The following CFHR5 variants were observed in gnomAD, a reference collection of about 807,000 sequenced individuals.
The protein encoded by CFHR5 is complement factor H-related protein 5.
A neutral mutation model predicts 62.9 loss-of-function variants in CFHR5; 73 were observed. The observed-to-expected ratio is 1.16, with a 90% confidence interval of 0.96 to 1.41. The LOEUF (loss-of-function observed/expected upper bound fraction) is 1.41, where lower values mean the gene tolerates loss of function less well. CFHR5 is among the 40% of genes most tolerant of loss of function. The pLI is 0.00. For missense variants in CFHR5, 779 were observed against 679.9 expected (o/e 1.15, Z -1.62); for synonymous variants, 249 against 227.2 (o/e 1.10, Z -0.86).
intron 9 of CFHR5, among the ~76,000 whole-genome samples, chr1:197,006,920 T>G (rs1049859356): frequency 1.7e-4 from 25 of 150,978 alleles, no homozygotes; most frequent in African/African-American, 6.1e-4. Flanking sequence ...CATTGCAACC[T>G]CCGCCTCCTG....
At position 196,983,090 on chromosome 1, in the gene CFHR5, G is replaced by A. The variant is rs760047371; in HGVS notation, c.253+11G>A. ...CACCGAAGTGTCTCAGTGAGTAAAT[G>A]CCCTGTTCATTAAATGGATGTCATT... is the stretch of plus-strand genomic sequence containing the variant. On this transcript the variant is annotated intron_variant, in intron 2 of 9. Transcript: ENST00000256785. 6.2e-7 allele frequency: 1 copy of A among 1,613,768 alleles called. No homozygotes were observed. The highest frequency in any genetic ancestry group is 2.2e-5 in the East Asian group (1 of 44,846).
chr1:196,998,047 T>A, intron 6 of CFHR5, 81 bp from the exon 7 acceptor site: 1 of 891,682 alleles, frequency 1.1e-6, no homozygotes, highest in Non-Finnish European at 1.8e-6. Context: ...CTTAAAAGCA[T>A]CAAACATAAT....
Position 197,009,226 on chromosome 1 carries a change from C to T in CFHR5, c.*543C>T, listed in dbSNP as rs1164846795. ...AATCCATTCAAGAAGATAGAGCTCT[C>T]GTGACTTAATCACCTTCTAAAGATC... On this transcript the variant is annotated 3_prime_UTR_variant, in exon 10 of 10. Coordinates refer to ENST00000256785, the MANE Select transcript of CFHR5 (RefSeq NM_030787.4). The T allele has an allele frequency of 2.0e-5, 3 of 152,694 alleles. No individual in the cohort carries two copies. The highest frequency in any genetic ancestry group is 4.8e-5 in the African/African-American group (2 of 41,436). 9.5% of individuals were successfully genotyped at this position (152,694 alleles called of 1,614,324 possible). A position where few individuals can be genotyped will look rare whatever the true frequency, so the allele number is the denominator to read the frequency against.
chr1:196,997,993 G>T, intron 6 of CFHR5, 135 bp from the exon 7 acceptor site: 1 of 575,366 alleles, frequency 1.7e-6, no homozygotes, highest in South Asian at 3.2e-5. Flanking sequence ...CAACAGCATT[G>T]TCTATTTTGT....
upstream of CFHR5, among the ~76,000 whole-genome samples, chr1:196,976,148 G>A (rs1258744093): frequency 1.3e-5 from 2 of 152,200 alleles, no homozygotes; most frequent in Non-Finnish European, 2.9e-5. Flanking sequence ...AGAATCAATA[G>A]TGGAGACTAC....
rs745639180 is a variant in CFHR5, at chr1:197,008,671, T to C, written c.1698T>C (p.Pro566=). 6.2e-7 allele frequency: 1 copy of C among 1,611,998 alleles called. No homozygotes were observed. The highest frequency in any genetic ancestry group is 8.5e-7 in the Non-Finnish European group (1 of 1,178,178). Residue 566 remains proline (P), a synonymous_variant, in exon 10 of 10, where the codon CCT becomes CCC. Coordinates refer to ENST00000256785, the MANE Select transcript of CFHR5 (RefSeq NM_030787.4). ...AICQEGKFEY[P]ICE ...GTCAGGAAGGGAAATTTGAATATCC[T>C]ATATGTGAATGAAGCAAGCATAATT... is the stretch of plus-strand genomic sequence containing the variant.
At chr1:196,975,958 G>A (rs756125843), upstream of CFHR5, among the ~76,000 whole-genome samples, 26 of 152,088 alleles carry the variant, frequency 1.7e-4, no homozygotes, top group Non-Finnish European at 3.4e-4. Flanking sequence ...AGATGTGGTG[G>A]GAAGAGAGAA....
At chr1:196,998,695 T>C (rs1024259831) in intron 7 of CFHR5, among the ~76,000 whole-genome samples, 1 of 151,990 alleles carries the variant, frequency 6.6e-6, no homozygotes, top group African/African-American at 2.4e-5. Context: ...GAGTAAAAAG[T>C]AGGCTGAGAA....
rs1308199350 is a variant in CFHR5, at chr1:197,004,861, T to C, written c.1513+18T>C. The C allele has an allele frequency of 6.4e-7, 1 of 1,569,476 alleles. No homozygotes were observed. ...ATGCCTAGGTGAGTTCTTAATATTC[T>C]CTTGGAATCTGAGATTTAATATTTA... On this transcript the variant is annotated intron_variant, in intron 9 of 9. Coordinates refer to ENST00000256785, the MANE Select transcript of CFHR5 (RefSeq NM_030787.4).
chr1:196,983,082 G>A lies in CFHR5; in HGVS notation c.253+3G>A, dbSNP rs1193600901. On this transcript the variant is annotated splice_donor_region_variant and intron_variant, in intron 2 of 9. Coordinates refer to ENST00000256785, the MANE Select transcript of CFHR5 (RefSeq NM_030787.4). ...GTCACCAACACCGAAGTGTCTCAGT[G>A]AGTAAATGCCCTGTTCATTAAATGG... 1 of 1,613,764 alleles carries A rather than the reference G, an allele frequency of 6.2e-7. No homozygotes were observed. Among genetic ancestry groups the A allele is most frequent in the African/African-American group, 1.3e-5 (1 of 74,908 alleles).
At chr1:197,000,872 T>TC (rs145140361) in intron 7 of CFHR5, among the ~76,000 whole-genome samples, 1,876 of 152,266 alleles carry the variant, frequency 0.012, 53 homozygotes, top group African/African-American at 0.04. Context: ...TAATAAGACA[T>TC]TAAGTAGAAG....
At chr1:197,000,595 T>C (rs1447958930) in intron 7 of CFHR5, among the ~76,000 whole-genome samples, 2 of 152,194 alleles carry the variant, frequency 1.3e-5, no homozygotes, top group Non-Finnish European at 2.9e-5. Flanking sequence ...CTCATTATTA[T>C]TTGTACATTT....
upstream of CFHR5, among the ~76,000 whole-genome samples, chr1:196,976,698 C>T (rs956744115): frequency 1.3e-5 from 2 of 151,938 alleles, no homozygotes; most frequent in African/African-American, 4.8e-5. Context: ...ATACCAAGAC[C>T]CTCACATAGC....
intron 4 of CFHR5, 148 bp downstream of exon 4, chr1:196,994,404 C>A: frequency 2.9e-6 from 2 of 680,190 alleles, no homozygotes; most frequent in Non-Finnish European, 5.1e-6. Context: ...AGTAATTGAG[C>A]TGCATAGATT....
intron 7 of CFHR5, among the ~76,000 whole-genome samples, chr1:197,001,337 A>G (rs1654147476): frequency 6.6e-6 from 1 of 152,110 alleles, no homozygotes; most frequent in African/African-American, 2.4e-5. Context: ...ATTTTAGACA[A>G]TATGTATGTT....
intron 3 of CFHR5, 58 bp downstream of exon 3, chr1:196,984,195 T>C (rs1425364518): frequency 1.5e-6 from 2 of 1,367,732 alleles, no homozygotes; most frequent in African/African-American, 1.5e-5. Flanking sequence ...AAATCTATAG[T>C]TTATAGATTA....
intron 6 of CFHR5, among the ~76,000 whole-genome samples, chr1:196,997,291 A>G (rs907095595): frequency 1.8e-4 from 28 of 152,186 alleles, no homozygotes; most frequent in African/African-American, 6.5e-4. Flanking sequence ...GAACGCTGTT[A>G]TGGGAAGATG....
At chr1:196,998,443 A>T (rs1182870281) in intron 7 of CFHR5, 139 bp downstream of exon 7, 2 of 728,172 alleles carry the variant, frequency 2.7e-6, no homozygotes, top group East Asian at 2.7e-5. Context: ...AACTAGTTAT[A>T]ATACTCTTTC....
intron 9 of CFHR5, 88 bp downstream of exon 9, chr1:197,004,931 A>G: frequency 9.8e-7 from 1 of 1,017,572 alleles, no homozygotes; most frequent in Non-Finnish European, 1.5e-6. Flanking sequence ...ACCCTTACTT[A>G]AGTTTCATTC....
Sources: gnomAD v4.1 joint callset for allele counts (sites outside exome capture counted in the v4.1 genomes callset) on GRCh38, gnomAD v4.1.1 for gene constraint, MANE v1.5 for transcripts, NCBI Gene and HGNC (gene_info 2026-07-23, HGNC 2026-07-21) for gene names.